PROS1: variants seen among roughly 807,000 people sequenced by gnomAD.
PROS1 encodes the protein vitamin K-dependent protein S.
PROS1 carries 29 observed loss-of-function variants against 75.9 expected under a neutral mutation model. The observed-to-expected ratio is 0.38, with a 90% CI of 0.28 to 0.52. PROS1 has a LOEUF of 0.52. PROS1 is among the 20% of genes least tolerant of loss of function. PROS1 has a pLI of 0.83. For missense variants in PROS1, 680 were observed against 810.3 expected, an observed-to-expected ratio of 0.84 and a Z score of 1.95; for synonymous variants, 245 against 280.6, an observed-to-expected ratio of 0.87 and a Z score of 1.27.
intron 1 of PROS1, among the ~76,000 whole-genome samples, chr3:93,964,216 G>C (rs1709751106): frequency 6.6e-6 from 1 of 152,140 alleles, no homozygotes; most frequent in Admixed American, 6.6e-5. Context: ...TGATTTTAGG[G>C]AACAAGGGAA....
At chr3:93,952,688 C>T (rs1709523308) in intron 1 of PROS1, among the ~76,000 whole-genome samples, 1 of 152,124 alleles carries the variant, frequency 6.6e-6, no homozygotes, top group South Asian at 2.1e-4. Flanking sequence ...CAAGAGCAAA[C>T]ACATTCAAAA....
chr3:93,928,011 A>ATATTT lies in PROS1; in HGVS notation c.77-605_77-604insAAATA, dbSNP rs1235149837. 5.2e-4 allele frequency among the ~76,000 whole-genome samples: 23 copies of ATATTT among 44,454 alleles called. 1 individual carries two copies. The highest frequency in any genetic ancestry group is 1.8e-3 in the African/African-American group (19 of 10,810). The allele number at this position is 44,454 out of a possible 152,430, so 29.2% of individuals were successfully genotyped here. ...TGTGTGTGTATATATATATATATAT[A>ATATTT]TTTTTTTTTTTTTTTTTTTTTGAGA... On this transcript the variant is annotated intron_variant, in intron 1 of 14. Coordinates refer to ENST00000394236, the MANE Select transcript of PROS1 (RefSeq NM_000313.4).
intron 1 of PROS1, among the ~76,000 whole-genome samples, chr3:93,965,044 A>G (rs1709766429): frequency 6.6e-6 from 1 of 152,188 alleles, no homozygotes; most frequent in Non-Finnish European, 1.5e-5. Context: ...CGAATTAGGC[A>G]AAAACAGGAG....
chr3:93,926,367 C>T (rs1217936640), intron 2 of PROS1, among the ~76,000 whole-genome samples: 3 of 152,210 alleles, frequency 2.0e-5, no homozygotes. Flanking sequence ...CGCAGTGGCT[C>T]ATGCCTGTAA....
At chr3:93,885,242 C>G (rs1315998149) in intron 11 of PROS1, among the ~76,000 whole-genome samples, 2 of 152,060 alleles carry the variant, frequency 1.3e-5, no homozygotes, top group African/African-American at 2.4e-5. Flanking sequence ...TGTTTATCTT[C>G]TTTGTTTGTT....
intron 1 of PROS1, among the ~76,000 whole-genome samples, chr3:93,967,275 T>C (rs1000010298): frequency 6.6e-6 from 1 of 152,260 alleles, no homozygotes; most frequent in Non-Finnish European, 1.5e-5. Context: ...TCTTCCATCA[T>C]GGAGGAGCAG....
intron 1 of PROS1, among the ~76,000 whole-genome samples, chr3:93,951,326 T>G (rs1709491951): frequency 6.6e-6 from 1 of 151,536 alleles, no homozygotes; most frequent in Admixed American, 6.6e-5. Context: ...AAGGAAAAAA[T>G]ATTAAGGGCA....
At chr3:93,945,244 C>T (rs900836168) in intron 1 of PROS1, among the ~76,000 whole-genome samples, 7 of 152,146 alleles carry the variant, frequency 4.6e-5, no homozygotes, top group African/African-American at 1.7e-4. Flanking sequence ...GGAACTGGTA[C>T]CATTCCTTCT....
intron 1 of PROS1, among the ~76,000 whole-genome samples, chr3:93,956,530 CTCT>C (rs1476277438): frequency 3.1e-5 from 4 of 128,074 alleles, no homozygotes; most frequent in African/African-American, 1.2e-4. Flanking sequence ...CTCTCTCTCT[CTCT>C]ACACACACAC....
Position 93,879,340 on chromosome 3 carries a change from A to C in PROS1, c.1493-26T>G, listed in dbSNP as rs1036264582. 1.9e-6 allele frequency: 3 copies of C among 1,612,036 alleles called. No homozygotes were observed. The African/African-American group carries it at 4.0e-5, about 22-fold the overall frequency. ...CTATTTAAAATAATGAAACAGAAGC[A>C]TGATCAATGCACTCCTAAAGTGCAT... is the stretch of plus-strand genomic sequence containing the variant. On this transcript the variant is annotated intron_variant, in intron 12 of 14. Coordinates refer to ENST00000394236, the MANE Select transcript of PROS1 (RefSeq NM_000313.4).
chr3:93,903,419 C>A (rs181026670), intron 6 of PROS1, among the ~76,000 whole-genome samples: 1 of 152,202 alleles, frequency 6.6e-6, no homozygotes, highest in Admixed American at 6.5e-5. Context: ...ATCCCACGAC[C>A]TTGTGAGGTT....
chr3:93,942,483 C>T (rs549074461), intron 1 of PROS1, among the ~76,000 whole-genome samples: 1 of 152,294 alleles, frequency 6.6e-6, no homozygotes, highest in Non-Finnish European at 1.5e-5. Context: ...GATCCCATCG[C>T]TCAGGACAGT....
intron 1 of PROS1, among the ~76,000 whole-genome samples, chr3:93,973,368 TG>T (rs2107278487): frequency 6.6e-6 from 1 of 152,312 alleles, no homozygotes; most frequent in East Asian, 1.9e-4. Context: ...GTTCTCTGAC[TG>T]GGAACTTCAG....
At chr3:93,886,538 G>A (rs756883842) in intron 10 of PROS1, 35 bp from the exon 11 acceptor site, 16 of 1,486,122 alleles carry the variant, frequency 1.1e-5, no homozygotes, top group Non-Finnish European at 1.5e-5. Flanking sequence ...AAATAACCAA[G>A]TATTACTACA....
At position 93,910,708 on chromosome 3, in the gene PROS1, GA is replaced by G. The variant is rs1233654713; in HGVS notation, c.260-4del. 10 of 1,608,546 alleles carry G rather than the reference GA, an allele frequency of 6.2e-6. No individual in the cohort carries two copies. The highest frequency in any genetic ancestry group is 8.5e-6 in the Non-Finnish European group (10 of 1,176,028). On this transcript the variant is annotated splice_polypyrimidine_tract_variant and splice_region_variant and intron_variant, in intron 3 of 14. Transcript: ENST00000394236. ...AGTTTGAAAAGAGCGAAGACAAACT[GA>G]AAATAAAAACAAACATAATCTTCTT...
chr3:93,951,726 T>C (rs140158927), intron 1 of PROS1, among the ~76,000 whole-genome samples: 117 of 151,726 alleles, frequency 7.7e-4, no homozygotes, highest in South Asian at 2.7e-3. Flanking sequence ...TAATGAAACA[T>C]AACAATATTA....
intron 1 of PROS1, among the ~76,000 whole-genome samples, chr3:93,964,544 C>T (rs1709758548): frequency 6.6e-6 from 1 of 152,180 alleles, no homozygotes; most frequent in Admixed American, 6.5e-5. Flanking sequence ...TGGTTCTCTG[C>T]TCTCGAACCC....
At chr3:93,942,819 C>G (rs1480649309) in intron 1 of PROS1, among the ~76,000 whole-genome samples, 1 of 152,190 alleles carries the variant, frequency 6.6e-6, no homozygotes, top group East Asian at 1.9e-4. Flanking sequence ...TCCATCTGCT[C>G]TTCTACTACT....
At position 93,973,711 on chromosome 3, in the gene PROS1, C is replaced by T. The variant is rs1282229803; in HGVS notation, c.39G>A (p.Ala13=). The change falls in exon 1 of 15, where the codon GCG becomes GCA. Residue 13 remains alanine (A), a synonymous_variant. Transcript: ENST00000394236. ...VLGGRCGALL[A]CLLLVLPVSE... is the part of the protein sequence containing the mutation. Reference sequence around the variant, plus strand: ...AGACGGGAAGCACTAGGAGGAGACACGCCAGCAGCGCCCCGCAGCGCCCAC... The same window carrying T: ...AGACGGGAAGCACTAGGAGGAGACATGCCAGCAGCGCCCCGCAGCGCCCAC... 5.0e-6 allele frequency: 8 copies of T among 1,613,836 alleles called. No individual in the cohort carries two copies. The African/African-American group carries it at 6.7e-5, about 13-fold the overall frequency.
Sources: gnomAD v4.1 joint callset for allele counts (sites outside exome capture counted in the v4.1 genomes callset) on GRCh38, gnomAD v4.1.1 for gene constraint, MANE v1.5 for transcripts, NCBI Gene and HGNC (gene_info 2026-07-23, HGNC 2026-07-21) for gene names.